Variants in NHSL2 observed in about 807,000 individuals in gnomAD.
The protein encoded by NHSL2 is NHS like 2, also known as NHS-like protein 2.
In NHSL2, 27 loss-of-function variants were observed where a neutral mutation model predicts 53.4. That is an observed-to-expected ratio of 0.51 (90% CI 0.37 to 0.70). The LOEUF (loss-of-function observed/expected upper bound fraction) is 0.70. Ranked by LOEUF, NHSL2 falls within the 30% of genes least tolerant of loss-of-function variation. The pLI is 0.00. For missense variants in NHSL2, 892 were observed against 980.1 expected, an observed-to-expected ratio of 0.91 and a Z score of 1.20; for synonymous variants, 408 against 404.1, an observed-to-expected ratio of 1.01 and a Z score of -0.12.
intron 1 of NHSL2, among the ~76,000 whole-genome samples, chrX:72,104,165 T>A (rs1322252517): frequency 2.7e-5 from 3 of 111,417 alleles, no homozygotes; most frequent in Non-Finnish European, 5.7e-5. Context: ...TGTTTTTATA[T>A]CTCATTACTG....
chrX:71,994,302 G>GTGTA (rs1556323626), intron 1 of NHSL2, among the ~76,000 whole-genome samples: 4 of 104,518 alleles, frequency 3.8e-5, no homozygotes, highest in African/African-American at 1.4e-4. Context: ...CTCCCTCTGT[G>GTGTA]TGTGTGTGTG....
chrX:72,013,930 G>A (rs2042126007), intron 1 of NHSL2, among the ~76,000 whole-genome samples: 1 of 111,881 alleles, frequency 8.9e-6, no homozygotes, highest in Admixed American at 9.5e-5. Context: ...GAATTCTCCA[G>A]TGAAACCATC....
intron 4 of NHSL2, among the ~76,000 whole-genome samples, chrX:72,134,917 CCTAA>C (rs1327212171): frequency 8.9e-6 from 1 of 112,831 alleles, no homozygotes; most frequent in Non-Finnish European, 1.9e-5. Flanking sequence ...GCACTGCCAC[CCTAA>C]CTGAGACCAT....
At chrX:71,996,655 A>G (rs2042051330) in intron 1 of NHSL2, among the ~76,000 whole-genome samples, 1 of 112,388 alleles carries the variant, frequency 8.9e-6, no homozygotes, top group African/African-American at 3.2e-5. Context: ...AGAGGAGAAC[A>G]TTGAGTCTCA....
At position 71,943,231 on chromosome X, in the gene NHSL2, C is replaced by T. The variant is rs1015691816; in HGVS notation, c.280+31864C>T. Among the ~76,000 whole-genome samples, 9 of 111,771 alleles carry T rather than the reference C, an allele frequency of 8.1e-5. No individual in the cohort carries two copies. The Admixed American group carries it at 8.5e-4, about 11-fold the overall frequency. On this transcript the variant is annotated intron_variant, in intron 1 of 7. Transcript: ENST00000633930. ...CCTCTCGAGTAGCTGGGACTACAGG[C>T]GCACGCCACCATGCCCATCTCAGAA... is the stretch of plus-strand genomic sequence containing the variant.
At position 72,147,782 on chromosome X, in the gene NHSL2, C is replaced by A. The variant is rs933596643; in HGVS notation, c.*4208C>A. ...TACTTCCTTCTCCTCCTAAGAAAAA[C>A]CTGCTCTCAGGAAAGGGATAAATTC... On this transcript the variant is annotated 3_prime_UTR_variant, in exon 8 of 8. Transcript: ENST00000633930. The A allele has an allele frequency of 8.9e-6, 1 of 111,891 alleles. No homozygotes were observed. Among genetic ancestry groups the A allele is most frequent in the African/African-American group, 3.3e-5 (1 of 30,731 alleles). 9.2% of individuals were successfully genotyped at this position (111,891 alleles called of 1,213,427 possible).
chrX:71,968,180 T>C (rs2041909551), intron 1 of NHSL2, among the ~76,000 whole-genome samples: 1 of 108,963 alleles, frequency 9.2e-6, no homozygotes, highest in African/African-American at 3.3e-5. Flanking sequence ...TAATTTTTTG[T>C]AGAGATGGGG....
At chrX:71,925,965 A>G (rs762763076) in intron 1 of NHSL2, among the ~76,000 whole-genome samples, 45 of 111,432 alleles carry the variant, frequency 4.0e-4, no homozygotes, top group Non-Finnish European at 8.1e-4. Flanking sequence ...GATTTTGTTC[A>G]ATGCACTGAG....
In NHSL2 at chrX:72,138,724, G is replaced by T; in HGVS notation, c.1176G>T (p.Trp392Cys). The T allele has an allele frequency of 8.3e-7, 1 of 1,207,397 alleles. No homozygotes were observed. The highest frequency in any genetic ancestry group is 1.1e-6 in the Non-Finnish European group (1 of 892,781). ...CAGAATCAACCTTCTCCACTTCCTGGAAGGGAGATGCTTTTACCTACATGA... is the reference window on the plus strand; with the variant it reads ...CAGAATCAACCTTCTCCACTTCCTGTAAGGGAGATGCTTTTACCTACATGA... ...GPTESTFSTS[W>C]KGDAFTYMTP... The change falls in exon 6 of 8, where the codon TGG (tryptophan) becomes TGT (cysteine). Residue 392 changes from tryptophan (W) to cysteine (C), a missense_variant. By Grantham distance (215) the Trp-to-Cys change is radical. Coordinates refer to ENST00000633930, the MANE Select transcript of NHSL2 (RefSeq NM_001013627.3).
At chrX:71,964,766 C>T (rs1569467237) in intron 1 of NHSL2, among the ~76,000 whole-genome samples, 1 of 112,419 alleles carries the variant, frequency 8.9e-6, no homozygotes, top group Non-Finnish European at 1.9e-5. Flanking sequence ...CCTTTTGCCA[C>T]AGTCTCCACT....
intron 1 of NHSL2, among the ~76,000 whole-genome samples, chrX:71,913,366 G>A (rs1287077832): frequency 8.9e-6 from 1 of 112,199 alleles, no homozygotes; most frequent in Non-Finnish European, 1.9e-5. Flanking sequence ...TGCAAAGAGA[G>A]TTGGGGAGCG....
intron 5 of NHSL2, among the ~76,000 whole-genome samples, chrX:72,137,736 A>G (rs2042370461): frequency 9.0e-6 from 1 of 111,701 alleles, no homozygotes. Flanking sequence ...TAGCATGAAG[A>G]TTAGCGTTAT....
At chrX:72,108,690 C>G (rs963494777) in intron 1 of NHSL2, among the ~76,000 whole-genome samples, 3 of 112,312 alleles carry the variant, frequency 2.7e-5, no homozygotes, top group Non-Finnish European at 5.6e-5. Context: ...CGTGAAATCC[C>G]GAGGCCTTGG....
At chrX:72,043,214 A>G (rs1354363267) in intron 1 of NHSL2, among the ~76,000 whole-genome samples, 1 of 111,409 alleles carries the variant, frequency 9.0e-6, no homozygotes, top group Non-Finnish European at 1.9e-5. Flanking sequence ...TACTACCCTA[A>G]AATGAAACTC....
At chrX:71,922,807 C>A (rs184369521) in intron 1 of NHSL2, among the ~76,000 whole-genome samples, 1 of 112,248 alleles carries the variant, frequency 8.9e-6, no homozygotes, top group Non-Finnish European at 1.9e-5. Context: ...GAAACTTACC[C>A]ATTAAGAGAA....
intron 5 of NHSL2, among the ~76,000 whole-genome samples, chrX:72,137,909 A>T (rs1319610956): frequency 8.9e-6 from 1 of 111,920 alleles, no homozygotes; most frequent in African/African-American, 3.3e-5. Flanking sequence ...GATTTGGAAC[A>T]TCCAAACGGT....
At chrX:72,065,512 G>T (rs1428052174) in intron 1 of NHSL2, among the ~76,000 whole-genome samples, 1 of 111,731 alleles carries the variant, frequency 9.0e-6, no homozygotes, top group East Asian at 2.8e-4. Flanking sequence ...CTTTCAAGGG[G>T]TGATGGGATT....
intron 1 of NHSL2, among the ~76,000 whole-genome samples, chrX:72,092,799 A>G (rs1465383134): frequency 9.3e-6 from 1 of 107,703 alleles, no homozygotes; most frequent in Non-Finnish European, 1.9e-5. Context: ...TGAGAAGAAC[A>G]CAGGCTTTGT....
chrX:72,136,331 T>C (rs1210690734), intron 4 of NHSL2, among the ~76,000 whole-genome samples: 1 of 112,353 alleles, frequency 8.9e-6, no homozygotes, highest in African/African-American at 3.2e-5. Flanking sequence ...TTTAATTGTG[T>C]TGAATTTGAA....
Sources: allele counts gnomAD v4.1 joint callset (sites outside exome capture counted in the v4.1 genomes callset), GRCh38; gene constraint gnomAD v4.1.1; transcripts MANE v1.5; gene names NCBI Gene and HGNC (gene_info 2026-07-23, HGNC 2026-07-21).